Variants in NXN observed in about 807,000 individuals in gnomAD.
The protein encoded by NXN is nucleoredoxin, also known as nucleoredoxin 1.
NXN carries 16 observed loss-of-function variants against 48.6 expected under a neutral mutation model. The observed-to-expected ratio is 0.33, with a 90% CI of 0.22 to 0.50. NXN has a LOEUF of 0.50. Among genes scored for constraint, NXN ranks in the 20% least tolerant of loss-of-function variants. The probability of loss-of-function intolerance (pLI) is 0.98; values close to 1 mark genes in which losing one functional copy is unlikely to be tolerated. For missense variants in NXN, 492 were observed against 605.5 expected (o/e 0.81, Z 1.97); for synonymous variants, 281 against 269.6 (o/e 1.04, Z -0.41).
intron 4 of NXN, among the ~76,000 whole-genome samples, chr17:819,802 C>T (rs2467252): frequency 0.7 from 105,611 of 151,450 alleles, 38,246 homozygotes; most frequent in African/African-American, 0.9. Flanking sequence ...CCAGGCAACG[C>T]AACTCAGGTC....
chr17:973,527 C>T (rs769502609), intron 1 of NXN, among the ~76,000 whole-genome samples: 1 of 152,106 alleles, frequency 6.6e-6, no homozygotes, highest in Admixed American at 6.5e-5. Context: ...CAGGCTTCGT[C>T]GATCAGCAGC....
chr17:821,759 C>G (rs1051350240), intron 4 of NXN, among the ~76,000 whole-genome samples: 2 of 151,108 alleles, frequency 1.3e-5, no homozygotes, highest in Non-Finnish European at 2.9e-5. Context: ...TCAAAAAAAA[C>G]CCAAAAAACA....
chr17:841,374 CA>C (rs1914172121), intron 1 of NXN, among the ~76,000 whole-genome samples: 1 of 67,884 alleles, frequency 1.5e-5, no homozygotes, highest in African/African-American at 5.7e-5. Flanking sequence ...GAGCAGCCCA[CA>C]CACGGTGCAT....
rs183721563 is a variant in NXN at position 815,099 on chromosome 17, C to T, written c.820+4340G>A. 6.6e-5 allele frequency among the ~76,000 whole-genome samples: 10 copies of T among 152,298 alleles called. No homozygotes were observed. The East Asian group carries it at 1.9e-3, about 29-fold the overall frequency. On this transcript the variant is annotated intron_variant, in intron 5 of 7. Transcript: ENST00000336868. ...CAAATTCAGCTGAGTCTTCTAGGTG[C>T]TAAAGCAAAGAAAATAATTGTGGTT...
chr17:824,504 C>A (rs1213658864), intron 2 of NXN, among the ~76,000 whole-genome samples: 1 of 152,190 alleles, frequency 6.6e-6, no homozygotes, highest in Non-Finnish European at 1.5e-5. Flanking sequence ...CGGGAATCAA[C>A]CCGATACCCG....
chr17:951,076 C>G (rs1034101199), intron 1 of NXN, among the ~76,000 whole-genome samples: 5 of 150,056 alleles, frequency 3.3e-5, no homozygotes, highest in Admixed American at 2.7e-4. Context: ...GTGGCTCACG[C>G]CTGTAATCCC....
At chr17:894,758 G>A (rs1010452260) in intron 1 of NXN, among the ~76,000 whole-genome samples, 4 of 152,318 alleles carry the variant, frequency 2.6e-5, no homozygotes, top group African/African-American at 9.6e-5. Flanking sequence ...GAGACATGAC[G>A]GAGGCGCCCC....
intron 1 of NXN, among the ~76,000 whole-genome samples, chr17:907,143 G>T (rs2068588832): frequency 6.7e-6 from 1 of 149,436 alleles, no homozygotes; most frequent in Non-Finnish European, 1.5e-5. Flanking sequence ...GGGGGCGGGG[G>T]AGGGTTATCT....
intron 1 of NXN, among the ~76,000 whole-genome samples, chr17:963,751 T>C (rs114484429): frequency 0.035 from 5,383 of 152,256 alleles, 312 homozygotes; most frequent in African/African-American, 0.12. Flanking sequence ...AGTGATGTTA[T>C]CTTTGGAAAG....
At chr17:847,210 TTA>T (rs942524211) in intron 1 of NXN, among the ~76,000 whole-genome samples, 1 of 151,564 alleles carries the variant, frequency 6.6e-6, no homozygotes, top group Non-Finnish European at 1.5e-5. Context: ...TATTTGATTG[TTA>T]TTTCACAAGG....
chr17:902,212 C>G (rs1374548793), intron 1 of NXN, among the ~76,000 whole-genome samples: 2 of 152,234 alleles, frequency 1.3e-5, no homozygotes, highest in African/African-American at 4.8e-5. Flanking sequence ...ACTGCTCCCA[C>G]TCGCACGACG....
intron 1 of NXN, among the ~76,000 whole-genome samples, chr17:851,029 A>G (rs1452600033): frequency 6.6e-6 from 1 of 152,238 alleles, no homozygotes; most frequent in African/African-American, 2.4e-5. Flanking sequence ...GGCCTTCGGA[A>G]CAGAAACCAC....
chr17:955,876 TG>T (rs1418234898), intron 1 of NXN, among the ~76,000 whole-genome samples: 2 of 149,354 alleles, frequency 1.3e-5, no homozygotes, highest in Non-Finnish European at 3.0e-5. Flanking sequence ...CACTCCAGCC[TG>T]GGCGACAGAG....
chr17:900,973 T>G (rs1318536775), intron 1 of NXN, among the ~76,000 whole-genome samples: 3 of 142,116 alleles, frequency 2.1e-5, no homozygotes, highest in Non-Finnish European at 1.5e-5. Context: ...CAGCCTAGAG[T>G]GCAATGGCAC....
intron 5 of NXN, among the ~76,000 whole-genome samples, chr17:818,239 C>T (rs1033616957): frequency 3.9e-5 from 6 of 151,988 alleles, no homozygotes; most frequent in African/African-American, 1.2e-4. Context: ...CCAGCCTGGG[C>T]GACACGGTGA....
At chr17:926,182 T>C (rs776308721) in intron 1 of NXN, among the ~76,000 whole-genome samples, 3 of 152,120 alleles carry the variant, frequency 2.0e-5, no homozygotes, top group Admixed American at 2.0e-4. Flanking sequence ...TGTCTCTATT[T>C]TTCTCCTCCT....
In NXN at chr17:932,778, G is replaced by C. The variant is rs7224673; in HGVS notation, c.360+46541C>G. On this transcript the variant is annotated intron_variant, in intron 1 of 7. Coordinates refer to ENST00000336868, the MANE Select transcript of NXN (RefSeq NM_022463.5). The surrounding 1 kb of genome is among the most constrained non-coding windows in gnomAD (Gnocchi z 4.1). ...GGAGTGCCTTGTTGTGGCCGGCTTC[G>C]CATAAGTCATCTGCGCCCGCCACCA... Among the ~76,000 whole-genome samples, 37,138 of 152,002 alleles carry C rather than the reference G, an allele frequency of 0.24. 5,141 individuals are homozygous for C. The highest frequency in any genetic ancestry group is 0.41 in the East Asian group (2,098 of 5,156).
At chr17:952,788 C>T (rs1303327820) in intron 1 of NXN, among the ~76,000 whole-genome samples, 1 of 102,652 alleles carries the variant, frequency 9.7e-6, no homozygotes, top group Admixed American at 9.7e-5. Context: ...GGTTGGAACC[C>T]GGCAGGTACC....
chr17:881,866 G>A (rs1476208434), intron 1 of NXN, among the ~76,000 whole-genome samples: 1 of 152,132 alleles, frequency 6.6e-6, no homozygotes, highest in Non-Finnish European at 1.5e-5. Flanking sequence ...AAATAACACT[G>A]ACTGTACGAT....
Sources: gnomAD v4.1 joint callset for allele counts (sites outside exome capture counted in the v4.1 genomes callset) on GRCh38, gnomAD v4.1.1 for gene constraint, Gnocchi (gnomAD v3.1) non-coding constraint, MANE v1.5 for transcripts, NCBI Gene and HGNC (gene_info 2026-07-23, HGNC 2026-07-21) for gene names.